The following ZNF644 variants were observed in gnomAD, a reference collection of about 807,000 sequenced individuals.
ZNF644 encodes the protein zinc finger protein 644.
In ZNF644, 20 loss-of-function variants were observed where a neutral mutation model predicts 108.0. The observed-to-expected ratio is 0.19, with a 90% CI of 0.13 to 0.27. ZNF644 has a LOEUF of 0.27. Ranked by LOEUF, ZNF644 falls within the 10% of genes least tolerant of loss-of-function variation. The probability of loss-of-function intolerance (pLI) is 1.00; values close to 1 mark genes in which losing one functional copy is unlikely to be tolerated. For synonymous variants in ZNF644, 542 were observed against 539.1 expected (o/e 1.01, Z -0.08); for missense variants, 1,338 against 1,548.9 (o/e 0.86, Z 2.29).
chr1:90,960,186 T>G (rs1654187928), intron 2 of ZNF644, among the ~76,000 whole-genome samples: 1 of 151,966 alleles, frequency 6.6e-6, no homozygotes, highest in East Asian at 1.9e-4. Flanking sequence ...TTCCTTTACA[T>G]AAAAAGGTGA....
chr1:90,986,150 A>C (rs1238088203), intron 1 of ZNF644, among the ~76,000 whole-genome samples: 1 of 152,108 alleles, frequency 6.6e-6, no homozygotes, highest in Non-Finnish European at 1.5e-5. Flanking sequence ...GTTTTGCTTC[A>C]AGCAGTATTC....
In ZNF644 at chr1:90,938,978, A is replaced by G. The variant is rs755818230; in HGVS notation, c.2376T>C (p.Pro792=). The change falls in exon 3 of 6, where the codon CCT becomes CCC. Residue 792 remains proline, a synonymous_variant. Coordinates refer to ENST00000337393, the MANE Select transcript of ZNF644 (RefSeq NM_201269.3). The surrounding 1 kb of genome is among the most constrained non-coding windows in gnomAD (Gnocchi z 4.2). ...HNNFISDPHK[P]DAKRPESFKD... ...TGAAGCTTTCAGGCCTTTTGGCGTCAGGCTTATGAGGGTCTGAAATAAAAT... is the reference window on the plus strand; with the variant it reads ...TGAAGCTTTCAGGCCTTTTGGCGTCGGGCTTATGAGGGTCTGAAATAAAAT... 21 of 1,613,892 alleles carry G rather than the reference A, an allele frequency of 1.3e-5. No individual in the cohort carries two copies. Among genetic ancestry groups the G allele is most frequent in the East Asian group, 4.5e-5 (2 of 44,884 alleles).
intron 2 of ZNF644, among the ~76,000 whole-genome samples, chr1:90,965,549 A>G (rs1654774974): frequency 1.3e-5 from 2 of 151,966 alleles, no homozygotes; most frequent in Non-Finnish European, 2.9e-5. Context: ...AACCCTTAAC[A>G]CTACTCTTCT....
At chr1:90,952,200 A>G (rs74099873) in intron 2 of ZNF644, among the ~76,000 whole-genome samples, 9 of 152,368 alleles carry the variant, frequency 5.9e-5, no homozygotes, top group African/African-American at 2.2e-4. Flanking sequence ...GTTTAGCTGT[A>G]AAGACTGGCT....
rs1660614927 is a variant in ZNF644, at chr1:91,018,476, T to C, written c.-18+3514A>G. 1.3e-5 allele frequency among the ~76,000 whole-genome samples: 2 copies of C among 152,228 alleles called. 1 individual carries two copies. Among genetic ancestry groups the C allele is most frequent in the South Asian group, 4.1e-4 (2 of 4,836 alleles). On this transcript the variant is annotated intron_variant, in intron 1 of 5. Coordinates refer to ENST00000337393, the MANE Select transcript of ZNF644 (RefSeq NM_201269.3). ...TGAATATGTATCCATAGTATTACAG[T>C]ATCCACTCTTCATTCTCGTTTTATT...
intron 2 of ZNF644, among the ~76,000 whole-genome samples, chr1:90,945,444 A>C (rs1164929691): frequency 6.6e-6 from 1 of 152,132 alleles, no homozygotes; most frequent in African/African-American, 2.4e-5. Flanking sequence ...GAGCACTAAA[A>C]AAATTGTACA....
chr1:90,981,151 C>T (rs1445518103), intron 2 of ZNF644, among the ~76,000 whole-genome samples: 4 of 152,040 alleles, frequency 2.6e-5, no homozygotes, highest in Non-Finnish European at 4.4e-5. Context: ...AGAATGGCTT[C>T]TTCTCCACTT....
At chr1:90,975,182 A>G (rs772249437) in intron 2 of ZNF644, among the ~76,000 whole-genome samples, 15 of 152,224 alleles carry the variant, frequency 9.9e-5, no homozygotes, top group Non-Finnish European at 2.2e-4. Flanking sequence ...AGTACTGAAT[A>G]TATCTTAAGA....
intron 4 of ZNF644, among the ~76,000 whole-genome samples, chr1:90,922,176 T>C (rs1649522471): frequency 1.3e-5 from 2 of 152,172 alleles, no homozygotes. Flanking sequence ...AAGCACACCA[T>C]AACTAAATTA....
In ZNF644 at chr1:90,940,990, G is replaced by A. The variant is rs1651911099; in HGVS notation, c.364C>T (p.His122Tyr). The change falls in exon 3 of 6, where the codon CAC becomes TAC. Residue 122 changes from histidine to tyrosine, a missense_variant. Transcript: ENST00000337393. Reference protein sequence around the residue: ...KGAAVNGPVSHSSLTKTSNMN... With the variant: ...KGAAVNGPVSYSSLTKTSNMN... ...TTGGAAGTCTTAGTTAAGGAGGAGT[G>A]TGAAACTGGTCCATTAACAGCAGCT... is the stretch of plus-strand genomic sequence containing the variant. 1.2e-6 allele frequency: 2 copies of A among 1,614,048 alleles called. No individual in the cohort carries two copies. Among genetic ancestry groups the A allele is most frequent in the Non-Finnish European group, 1.7e-6 (2 of 1,179,938 alleles).
chr1:90,944,652 A>G (rs114885635), intron 2 of ZNF644, among the ~76,000 whole-genome samples: 1,522 of 151,928 alleles, frequency 0.01, 12 homozygotes, highest in Middle Eastern at 0.038. Flanking sequence ...CATCAAATCT[A>G]TACTGTCCAT....
intron 4 of ZNF644, among the ~76,000 whole-genome samples, chr1:90,931,838 A>C (rs1650762208): frequency 6.6e-6 from 1 of 152,116 alleles, no homozygotes; most frequent in Non-Finnish European, 1.5e-5. Context: ...AGAACTTCTT[A>C]AGGCTTCTGA....
Position 90,940,336 on chromosome 1 carries a change from A to G in ZNF644, c.1018T>C (p.Tyr340His). 1 of 1,613,740 alleles carries G rather than the reference A, an allele frequency of 6.2e-7. No individual in the cohort carries two copies. Among genetic ancestry groups the G allele is most frequent in the Non-Finnish European group, 8.5e-7 (1 of 1,179,956 alleles). The change falls in exon 3 of 6, where the codon TAT (tyrosine) becomes CAT (histidine). Residue 340 changes from tyrosine (Y) to histidine (H), a missense_variant. Tyr to His is a moderately conservative substitution (Grantham distance 83, BLOSUM62 2). Around this residue, in one of 6 missense-constraint regions of ZNF644, gnomAD observed 464 missense variants for 457.9 expected, o/e 1.01. Coordinates refer to ENST00000337393, the MANE Select transcript of ZNF644 (RefSeq NM_201269.3). ...EELQAVDSQK[Y>H]ALSKVKPEST... The stretch of plus-strand genomic sequence containing the variant: ...TCAGGCTTCACTTTTGATAATGCAT[A>G]TTTCTGTGAGTCTACTGCTTGTAGC...
intron 5 of ZNF644, among the ~76,000 whole-genome samples, chr1:90,917,578 A>G (rs1352697795): frequency 3.3e-5 from 5 of 152,022 alleles, no homozygotes; most frequent in African/African-American, 1.2e-4. Context: ...GCCCACTGCA[A>G]CCTCTGCCTC....
intron 4 of ZNF644, among the ~76,000 whole-genome samples, chr1:90,921,341 T>C (rs12239699): frequency 0.013 from 1,965 of 152,176 alleles, 40 homozygotes; most frequent in African/African-American, 0.045. Flanking sequence ...ATCTGCCAAA[T>C]AGATAACTGT....
intron 2 of ZNF644, among the ~76,000 whole-genome samples, chr1:90,950,102 A>ACC (rs1327362994): frequency 3.3e-5 from 5 of 150,604 alleles, no homozygotes. Context: ...ACATGGTGAA[A>ACC]CCCCGTCTCT....
At chr1:90,987,370 T>C (rs1273669311) in intron 1 of ZNF644, among the ~76,000 whole-genome samples, 2 of 150,472 alleles carry the variant, frequency 1.3e-5, no homozygotes, top group Non-Finnish European at 3.0e-5. Flanking sequence ...TTACAACTGA[T>C]GCCAGAAGAA....
chr1:90,945,628 A>G (rs915109495), intron 2 of ZNF644, among the ~76,000 whole-genome samples: 2 of 152,114 alleles, frequency 1.3e-5, no homozygotes, highest in African/African-American at 4.8e-5. Flanking sequence ...ATAATTGCAT[A>G]TTAACATAAT....
In ZNF644 at chr1:90,987,767, T is replaced by A. The variant is rs947913922; in HGVS notation, c.-17-5397A>T. On this transcript the variant is annotated intron_variant, in intron 1 of 5. Coordinates refer to ENST00000337393, the MANE Select transcript of ZNF644 (RefSeq NM_201269.3). ...GACGTATATCTGTGATTAATACTGA[T>A]GCAAAAATCTACAACAAAATAGGAG... is the stretch of plus-strand genomic sequence containing the variant. 6.1e-4 allele frequency among the ~76,000 whole-genome samples: 92 copies of A among 151,956 alleles called. 1 individual carries two copies. Among genetic ancestry groups the A allele is most frequent in the African/African-American group, 2.1e-3 (88 of 41,422 alleles).
Sources: allele counts gnomAD v4.1 joint callset (sites outside exome capture counted in the v4.1 genomes callset), GRCh38; gene constraint gnomAD v4.1.1; regional missense constraint gnomAD v4.1.1; non-coding constraint Gnocchi (gnomAD v3.1); transcripts MANE v1.5; gene names NCBI Gene and HGNC (gene_info 2026-07-23, HGNC 2026-07-21).